The following SLC4A10 variants were observed in gnomAD, a reference collection of about 807,000 sequenced individuals.
SLC4A10 encodes sodium-driven chloride bicarbonate exchanger.
Under a neutral mutation model 137.7 loss-of-function variants are expected in SLC4A10, and 42 were observed. The observed-to-expected ratio is 0.30, with a 90% CI of 0.24 to 0.39. SLC4A10 has a LOEUF of 0.39. SLC4A10 is among the 10% of genes least tolerant of loss of function. SLC4A10 has a pLI of 1.00. For synonymous variants in SLC4A10, 474 were observed against 464.1 expected (o/e 1.02, Z -0.27); for missense variants, 925 against 1,355.0 (o/e 0.68, Z 4.98).
chr2:161,677,770 A>T (rs2040425070), intron 1 of SLC4A10, among the ~76,000 whole-genome samples: 1 of 152,202 alleles, frequency 6.6e-6, no homozygotes, highest in Non-Finnish European at 1.5e-5. Flanking sequence ...TGGTACATAG[A>T]GAATTAAGTG....
chr2:161,847,921 T>G (rs1353010297), intron 4 of SLC4A10, among the ~76,000 whole-genome samples: 3 of 152,172 alleles, frequency 2.0e-5, no homozygotes, highest in Admixed American at 6.6e-5. Flanking sequence ...GAATGATAGT[T>G]CTGTTTTAAG....
chr2:161,813,476 G>A (rs1440177295), intron 3 of SLC4A10, among the ~76,000 whole-genome samples: 1 of 152,064 alleles, frequency 6.6e-6, no homozygotes, highest in Non-Finnish European at 1.5e-5. Context: ...GGGCAGATGG[G>A]CTGAGAGTGT....
intron 2 of SLC4A10, among the ~76,000 whole-genome samples, chr2:161,786,034 G>T (rs773707273): frequency 3.3e-5 from 5 of 151,636 alleles, no homozygotes; most frequent in Non-Finnish European, 5.9e-5. Flanking sequence ...GTCCTCCACT[G>T]TTATTGTATA....
At chr2:161,933,211 CTTTCTT>C (rs1481326534) in intron 15 of SLC4A10, among the ~76,000 whole-genome samples, 1 of 120,136 alleles carries the variant, frequency 8.3e-6, no homozygotes, top group Admixed American at 8.7e-5. Context: ...TTCTTTCTTT[CTTTCTT>C]TCTTTCTTTC....
chr2:161,637,813 T>C (rs1046876862), intron 1 of SLC4A10, among the ~76,000 whole-genome samples: 3 of 152,120 alleles, frequency 2.0e-5, no homozygotes, highest in Non-Finnish European at 4.4e-5. Flanking sequence ...CTAACTGGAG[T>C]GATATCTCAT....
chr2:161,682,586 G>T (rs958902987), intron 1 of SLC4A10, among the ~76,000 whole-genome samples: 2 of 152,006 alleles, frequency 1.3e-5, no homozygotes, highest in Non-Finnish European at 1.5e-5. Context: ...AAAAGTAATG[G>T]CTTACAATCA....
chr2:161,629,700 A>T (rs1470765196), intron 1 of SLC4A10, among the ~76,000 whole-genome samples: 3 of 151,826 alleles, frequency 2.0e-5, no homozygotes, highest in African/African-American at 7.2e-5. Context: ...TGCTCTGCCT[A>T]TTCATCCCTC....
chr2:161,957,149 C>A lies in SLC4A10; in HGVS notation c.2702C>A (p.Pro901His). The A allele has an allele frequency of 1.2e-6, 2 of 1,613,696 alleles. No homozygotes were observed. The highest frequency in any genetic ancestry group is 1.7e-6 in the Non-Finnish European group (2 of 1,179,810). Residue 901 changes from proline to histidine, a missense_variant, in exon 20 of 27, where the codon CCC (proline) becomes CAC (histidine). Around this residue, in one of 11 missense-constraint regions of SLC4A10, gnomAD observed 115 missense variants for 237.5 expected, o/e 0.48. Transcript: ENST00000446997. The stretch of plus-strand genomic sequence containing the variant: ...GAATGCTCAGCTCCAGGAGAACAAC[C>A]CAAATTTCTCGGCATTCGGGAGCAA... ...ESECSAPGEQPKFLGIREQRV... is the reference protein window; with the variant it reads ...ESECSAPGEQHKFLGIREQRV...
rs1360496297 is a variant in SLC4A10 at position 161,773,701 on chromosome 2, C to T, written c.130+2647C>T. On this transcript the variant is annotated intron_variant, in intron 2 of 26. Coordinates refer to ENST00000446997, the MANE Select transcript of SLC4A10 (RefSeq NM_001178015.2). The stretch of plus-strand genomic sequence containing the variant: ...TGCAATATATTTAATGGGAAATGAT[C>T]CCCTGCTCAATAACAACAGGTTGGT... Among the ~76,000 whole-genome samples the T allele has an allele frequency of 3.3e-5, 5 of 151,680 alleles. No individual in the cohort carries two copies. The South Asian group carries it at 6.2e-4, about 19-fold the overall frequency.
intron 1 of SLC4A10, among the ~76,000 whole-genome samples, chr2:161,667,963 C>T (rs1047804981): frequency 2.0e-5 from 3 of 151,720 alleles, no homozygotes; most frequent in Non-Finnish European, 4.4e-5. Flanking sequence ...TGATATGAGA[C>T]AGGATCTTAT....
intron 2 of SLC4A10, among the ~76,000 whole-genome samples, chr2:161,793,166 T>C (rs967140638): frequency 3.9e-5 from 6 of 152,178 alleles, no homozygotes; most frequent in Non-Finnish European, 5.9e-5. Context: ...TTTTTAAAAT[T>C]GACAGATAAA....
At chr2:161,902,002 C>T (rs1450467694) in intron 12 of SLC4A10, 3 of 455,816 alleles carry the variant, frequency 6.6e-6, no homozygotes, top group African/African-American at 6.0e-5. Context: ...GTTCACTTTT[C>T]CTTACTGCTT....
chr2:161,803,161 C>T (rs2055552262), intron 2 of SLC4A10, among the ~76,000 whole-genome samples: 1 of 152,054 alleles, frequency 6.6e-6, no homozygotes, highest in Admixed American at 6.6e-5. Flanking sequence ...TTTGCTTCCT[C>T]ATAAATTTTT....
chr2:161,629,164 C>A (rs758492321), intron 1 of SLC4A10, among the ~76,000 whole-genome samples: 2 of 151,868 alleles, frequency 1.3e-5, no homozygotes, highest in Non-Finnish European at 2.9e-5. Flanking sequence ...GGACACATGA[C>A]AATGATCATT....
chr2:161,767,313 T>G (rs542118993), intron 1 of SLC4A10, among the ~76,000 whole-genome samples: 19 of 149,768 alleles, frequency 1.3e-4, no homozygotes, highest in African/African-American at 4.6e-4. Context: ...AAACATAATG[T>G]GTGTTAGTTG....
chr2:161,980,989 G>T (rs1559683456), intron 26 of SLC4A10, among the ~76,000 whole-genome samples: 1 of 152,170 alleles, frequency 6.6e-6, no homozygotes, highest in Non-Finnish European at 1.5e-5. Context: ...GTCTTGAGCT[G>T]GTTATAAAAT....
chr2:161,947,570 G>A lies in SLC4A10; in HGVS notation c.2108G>A (p.Cys703Tyr). 1 of 1,607,824 alleles carries A rather than the reference G, an allele frequency of 6.2e-7. No homozygotes were observed. The highest frequency in any genetic ancestry group is 8.5e-7 in the Non-Finnish European group (1 of 1,177,846). Residue 703 changes from cysteine to tyrosine, a missense_variant, in exon 17 of 27, where the codon TGC becomes TAC. Physicochemically the swap from Cys to Tyr is radical, Grantham distance 194 (BLOSUM62 -2). Around this residue, in one of 11 missense-constraint regions of SLC4A10, gnomAD observed 91 missense variants for 95.6 expected, o/e 0.95. Coordinates refer to ENST00000446997, the MANE Select transcript of SLC4A10 (RefSeq NM_001178015.2). ...IIWENLTVSE[C>Y]KSLHGEYVGR... is the part of the protein sequence containing the mutation. ...TTGTTTTACTTCCTCTGGCAGGAAT[G>A]CAAATCATTGCATGGAGAGTATGTT...
At chr2:161,629,147 T>C (rs934449261) in intron 1 of SLC4A10, among the ~76,000 whole-genome samples, 3 of 151,972 alleles carry the variant, frequency 2.0e-5, no homozygotes, top group Non-Finnish European at 4.4e-5. Flanking sequence ...CTTTCCCATA[T>C]CACATAGGAC....
At chr2:161,680,816 GAAT>G in intron 1 of SLC4A10, among the ~76,000 whole-genome samples, 1 of 152,092 alleles carries the variant, frequency 6.6e-6, no homozygotes, top group Non-Finnish European at 1.5e-5. Context: ...GCAGTCTGCA[GAAT>G]GAATTTTAGA....
Sources: gnomAD v4.1 joint callset for allele counts (sites outside exome capture counted in the v4.1 genomes callset) on GRCh38, gnomAD v4.1.1 for gene constraint, gnomAD v4.1.1 regional missense constraint, MANE v1.5 for transcripts, NCBI Gene and HGNC (gene_info 2026-07-23, HGNC 2026-07-21) for gene names.